The following RAPGEF4 variants were observed in gnomAD, a reference collection of about 807,000 sequenced individuals.
RAPGEF4 encodes the protein RAP guanine-nucleotide-exchange factor (GEF) 4.
A neutral mutation model predicts 147.9 loss-of-function variants in RAPGEF4; 66 were observed. That is an observed-to-expected ratio of 0.45 (90% confidence interval 0.37 to 0.55). The LOEUF (loss-of-function observed/expected upper bound fraction) is 0.55, where lower values mean the gene tolerates loss of function less well. Ranked by LOEUF, RAPGEF4 falls within the 20% of genes least tolerant of loss-of-function variation. The pLI, the probability that RAPGEF4 is intolerant of heterozygous loss-of-function variation, is 0.00. For missense variants in RAPGEF4, 1,071 were observed against 1,257.3 expected, an observed-to-expected ratio of 0.85 and a Z score of 2.24; for synonymous variants, 419 against 442.7, an observed-to-expected ratio of 0.95 and a Z score of 0.67.
chr2:173,030,330 T>A, intron 26 of RAPGEF4, 76 bp downstream of exon 26: 2 of 1,147,884 alleles, frequency 1.7e-6, no homozygotes, highest in South Asian at 2.5e-5. Flanking sequence ...AGCTTTTTAA[T>A]AGAAATATCA....
chr2:172,998,693 G>C (rs1693605929), intron 16 of RAPGEF4, among the ~76,000 whole-genome samples: 1 of 152,212 alleles, frequency 6.6e-6, no homozygotes, highest in African/African-American at 2.4e-5. Flanking sequence ...CCGGTTATGT[G>C]AGGATAGCTA....
At chr2:172,760,413 A>C (rs1696194621) in intron 1 of RAPGEF4, among the ~76,000 whole-genome samples, 1 of 152,244 alleles carries the variant, frequency 6.6e-6, no homozygotes, top group Non-Finnish European at 1.5e-5. Context: ...AAAATACAAC[A>C]ACTGAAATTT....
intron 4 of RAPGEF4, among the ~76,000 whole-genome samples, chr2:172,840,188 G>C (rs1328534006): frequency 6.6e-6 from 1 of 152,146 alleles, no homozygotes; most frequent in Admixed American, 6.5e-5. Context: ...GTGTTCGCTA[G>C]CTTTTTGTTT....
intron 6 of RAPGEF4, among the ~76,000 whole-genome samples, chr2:172,925,777 A>AAGAGAGAGAGAGAGAGAGAGAGAG (rs67773579): frequency 9.4e-4 from 126 of 133,882 alleles, no homozygotes; most frequent in Non-Finnish European, 1.6e-3. Flanking sequence ...GAAAGAAAGA[A>AAGAGAGAGAGAGAGAGAGAGAGAG]AGAGAGAGAG....
At position 173,050,177 on chromosome 2, in the gene RAPGEF4, A is replaced by G. The variant is rs570850284; in HGVS notation, c.2909-1463A>G. The stretch of plus-strand genomic sequence containing the variant: ...AGTTATCAGTAACTGCTGGTAAACA[A>G]CAGCTGCTCAGCTCTGAAGTCAACA... On this transcript the variant is annotated intron_variant, in intron 30 of 30. Transcript: ENST00000397081. Among the ~76,000 whole-genome samples the G allele has an allele frequency of 1.9e-3, 287 of 152,358 alleles. 1 individual carries two copies. Among genetic ancestry groups the G allele is most frequent in the African/African-American group, 6.4e-3 (266 of 41,576 alleles).
chr2:172,796,165 A>T (rs1316903466), intron 2 of RAPGEF4, among the ~76,000 whole-genome samples: 2 of 152,080 alleles, frequency 1.3e-5, no homozygotes, highest in African/African-American at 2.4e-5. Flanking sequence ...ACTTGTCTAA[A>T]ACCTGGGTTC....
At chr2:172,831,797 T>A (rs192340520) in intron 4 of RAPGEF4, among the ~76,000 whole-genome samples, 4 of 152,256 alleles carry the variant, frequency 2.6e-5, no homozygotes, top group Admixed American at 2.6e-4. Flanking sequence ...AGAAATTCTT[T>A]TTCTACTAAT....
chr2:173,016,493 C>A, intron 19 of RAPGEF4, 56 bp downstream of exon 19: 1 of 1,408,980 alleles, frequency 7.1e-7, no homozygotes, highest in Admixed American at 1.7e-5. Context: ...CTCAAAAAGT[C>A]CTTTGCCCAC....
intron 2 of RAPGEF4, among the ~76,000 whole-genome samples, chr2:172,795,438 T>C (rs1686268656): frequency 6.6e-6 from 1 of 152,236 alleles, no homozygotes. Flanking sequence ...CACATTTAGC[T>C]ATATCTTTAG....
intron 11 of RAPGEF4, among the ~76,000 whole-genome samples, chr2:172,984,531 C>G (rs1692029762): frequency 6.6e-6 from 1 of 152,218 alleles, no homozygotes; most frequent in Non-Finnish European, 1.5e-5. Context: ...GGTCTTGAGA[C>G]TTGCTCACCT....
intron 30 of RAPGEF4, 102 bp from the exon 31 acceptor site, chr2:173,051,538 C>A: frequency 7.6e-7 from 1 of 1,315,668 alleles, no homozygotes; most frequent in South Asian, 1.6e-5. Flanking sequence ...TTGAGGGAAC[C>A]CAGGAACCTA....
chr2:172,885,141 G>A (rs986984374), intron 4 of RAPGEF4, among the ~76,000 whole-genome samples: 5 of 152,216 alleles, frequency 3.3e-5, no homozygotes, highest in South Asian at 2.1e-4. Context: ...TCCCTGGTGC[G>A]TTTGACCATG....
At chr2:172,760,861 G>A (rs1696249370) in intron 1 of RAPGEF4, among the ~76,000 whole-genome samples, 1 of 151,928 alleles carries the variant, frequency 6.6e-6, no homozygotes, top group African/African-American at 2.4e-5. Context: ...AAATAACAGT[G>A]GTAAGATCTA....
intron 4 of RAPGEF4, among the ~76,000 whole-genome samples, chr2:172,873,625 G>A (rs1404414855): frequency 6.6e-6 from 1 of 152,144 alleles, no homozygotes; most frequent in Non-Finnish European, 1.5e-5. Context: ...AGTTTATCAG[G>A]ACATAGGCAT....
intron 4 of RAPGEF4, among the ~76,000 whole-genome samples, chr2:172,895,873 A>G (rs1370590380): frequency 6.6e-6 from 1 of 152,250 alleles, no homozygotes; most frequent in Non-Finnish European, 1.5e-5. Context: ...AGGATGAGCT[A>G]TATTATTACA....
At position 172,814,291 on chromosome 2, in the gene RAPGEF4, A is replaced by C. The variant is rs1325853265; in HGVS notation, c.310A>C (p.Ile104Leu). The C allele has an allele frequency of 6.2e-7, 1 of 1,614,158 alleles. No individual in the cohort carries two copies. The highest frequency in any genetic ancestry group is 8.5e-7 in the Non-Finnish European group (1 of 1,180,004). Reference sequence around the variant, plus strand: ...TTGGGATCCTCAGGATGCTGTGACCATCTGTACCCTGGGAATTGGGACGGC... The same window carrying C: ...TTGGGATCCTCAGGATGCTGTGACCCTCTGTACCCTGGGAATTGGGACGGC... ...ETSSHQDAVT[I>L]CTLGIGTAFG... The change falls in exon 4 of 31, where the codon ATC (isoleucine) becomes CTC (leucine). Residue 104 changes from isoleucine (I) to leucine (L), a missense_variant. Transcript: ENST00000397081.
At chr2:172,916,294 C>G (rs1165923906) in intron 4 of RAPGEF4, among the ~76,000 whole-genome samples, 1 of 152,272 alleles carries the variant, frequency 6.6e-6, no homozygotes, top group East Asian at 1.9e-4. Flanking sequence ...TGAAATGGCC[C>G]CTTCAATTTA....
intron 1 of RAPGEF4, among the ~76,000 whole-genome samples, chr2:172,742,277 G>C (rs1694365110): frequency 6.6e-6 from 1 of 152,138 alleles, no homozygotes; most frequent in African/African-American, 2.4e-5. Flanking sequence ...TGTATCAAGA[G>C]CCAAATAAGT....
intron 3 of RAPGEF4, among the ~76,000 whole-genome samples, chr2:172,806,984 T>C (rs1687559023): frequency 6.6e-6 from 1 of 152,262 alleles, no homozygotes; most frequent in Non-Finnish European, 1.5e-5. Flanking sequence ...CTGATTCTTC[T>C]ATTCACTCAT....
Sources: allele counts gnomAD v4.1 joint callset (sites outside exome capture counted in the v4.1 genomes callset), GRCh38; gene constraint gnomAD v4.1.1; transcripts MANE v1.5; gene names NCBI Gene and HGNC (gene_info 2026-07-23, HGNC 2026-07-21).